DOCK10: variants seen among roughly 807,000 people sequenced by gnomAD.
The protein encoded by DOCK10 is dedicator of cytokinesis 10.
Under a neutral mutation model 280.1 loss-of-function variants are expected in DOCK10, and 145 were observed. The observed-to-expected ratio is 0.52, with a 90% CI of 0.45 to 0.59. The LOEUF is 0.59. Ranked by LOEUF, DOCK10 falls within the 20% of genes least tolerant of loss-of-function variation. The pLI, the probability that DOCK10 is intolerant of heterozygous loss-of-function variation, is 0.00. For missense variants in DOCK10, 2,368 were observed against 2,651.7 expected (o/e 0.89, Z 2.35); for synonymous variants, 915 against 942.2 (o/e 0.97, Z 0.53).
chr2:225,023,727 G>A (rs1689844212), intron 1 of DOCK10, among the ~76,000 whole-genome samples: 1 of 152,166 alleles, frequency 6.6e-6, no homozygotes, highest in African/African-American at 2.4e-5. Flanking sequence ...GCTGTTCTCA[G>A]AAGCATCATT....
intron 50 of DOCK10, among the ~76,000 whole-genome samples, chr2:224,781,125 A>G (rs1368154366): frequency 6.6e-6 from 1 of 152,166 alleles, no homozygotes; most frequent in South Asian, 2.1e-4. Context: ...AAATCTCTGT[A>G]TCTATAAAGC....
At chr2:224,886,752 TTAC>T (rs1699308224) in intron 4 of DOCK10, among the ~76,000 whole-genome samples, 2 of 152,166 alleles carry the variant, frequency 1.3e-5, no homozygotes, top group South Asian at 4.1e-4. Flanking sequence ...AACCATGGAG[TTAC>T]TAATTATATA....
intron 50 of DOCK10, among the ~76,000 whole-genome samples, chr2:224,785,848 G>A (rs1255245437): frequency 6.6e-6 from 1 of 152,172 alleles, no homozygotes; most frequent in East Asian, 1.9e-4. Flanking sequence ...ACTTCAATGG[G>A]GATTGACCTA....
chr2:224,888,087 G>A (rs947859307), intron 4 of DOCK10, among the ~76,000 whole-genome samples: 5 of 152,040 alleles, frequency 3.3e-5, no homozygotes, highest in South Asian at 4.2e-4. Context: ...AGATAAAGTC[G>A]CCAGCTTATA....
chr2:224,770,397 C>A lies in DOCK10; in HGVS notation c.6306-48G>T. 2 of 1,563,544 alleles carry A rather than the reference C, an allele frequency of 1.3e-6. No individual in the cohort carries two copies. On this transcript the variant is annotated intron_variant, in intron 54 of 55. Transcript: ENST00000258390. The surrounding 1 kb of genome is among the most constrained non-coding windows in gnomAD (Gnocchi z 4.5). ...ATTAAAAACCAGCCCTCGGAAGTGG[C>A]ATTGAGCTCAGTGACTGTGAGTTCA...
At chr2:225,011,402 A>C (rs1177846850) in intron 1 of DOCK10, among the ~76,000 whole-genome samples, 1 of 152,226 alleles carries the variant, frequency 6.6e-6, no homozygotes, top group Non-Finnish European at 1.5e-5. Context: ...AGAGGTTGCA[A>C]GATCAAGTTA....
chr2:225,016,836 G>A (rs1575167096), intron 1 of DOCK10, among the ~76,000 whole-genome samples: 1 of 151,446 alleles, frequency 6.6e-6, no homozygotes, highest in African/African-American at 2.4e-5. Flanking sequence ...CCGAGTAGCT[G>A]TGACTATAGG....
chr2:224,944,325 T>C (rs1703272374), intron 1 of DOCK10, among the ~76,000 whole-genome samples: 1 of 152,230 alleles, frequency 6.6e-6, no homozygotes, highest in Admixed American at 6.5e-5. Context: ...CTTCGACTGC[T>C]GAAGGCACTA....
At chr2:224,988,768 T>C (rs1394390163) in intron 1 of DOCK10, among the ~76,000 whole-genome samples, 1 of 152,214 alleles carries the variant, frequency 6.6e-6, no homozygotes, top group Non-Finnish European at 1.5e-5. Context: ...TTGGTAGGAA[T>C]TGAAACCAGT....
At chr2:225,019,821 A>G (rs1280008014) in intron 1 of DOCK10, among the ~76,000 whole-genome samples, 1 of 152,208 alleles carries the variant, frequency 6.6e-6, no homozygotes, top group Non-Finnish European at 1.5e-5. Flanking sequence ...TACTGATTTC[A>G]TGATTCTTAA....
chr2:224,873,430 T>A (rs1004912985), intron 11 of DOCK10, among the ~76,000 whole-genome samples: 3 of 151,480 alleles, frequency 2.0e-5, no homozygotes, highest in Admixed American at 2.0e-4. Flanking sequence ...TACAAAAAAA[T>A]TAGCTAGGCG....
chr2:224,914,467 C>T (rs1701203669), intron 3 of DOCK10, among the ~76,000 whole-genome samples: 1 of 152,114 alleles, frequency 6.6e-6, no homozygotes, highest in Admixed American at 6.5e-5. Context: ...AAAGTTTATA[C>T]CAGAAATACA....
At chr2:225,020,652 G>A (rs1357217211) in intron 1 of DOCK10, among the ~76,000 whole-genome samples, 1 of 152,178 alleles carries the variant, frequency 6.6e-6, no homozygotes, top group East Asian at 1.9e-4. Context: ...ATGAGATGAT[G>A]CAATTTTCTA....
intron 47 of DOCK10, among the ~76,000 whole-genome samples, chr2:224,790,868 A>G (rs1314472981): frequency 2.6e-5 from 4 of 152,210 alleles, no homozygotes; most frequent in Non-Finnish European, 4.4e-5. Flanking sequence ...CTTCAAATAC[A>G]TGCCAATGAC....
chr2:224,921,254 A>AT (rs1469736169), intron 2 of DOCK10, among the ~76,000 whole-genome samples: 1 of 149,904 alleles, frequency 6.7e-6, no homozygotes, highest in Non-Finnish European at 1.5e-5. Context: ...ATGAACCAAG[A>AT]TCATGCCATT....
intron 2 of DOCK10, among the ~76,000 whole-genome samples, chr2:224,928,523 G>T (rs2126008339): frequency 6.6e-6 from 1 of 152,210 alleles, no homozygotes; most frequent in East Asian, 1.9e-4. Context: ...AAAATAGGCA[G>T]CAGGTCACCC....
chr2:225,007,481 A>G (rs1475259296), intron 1 of DOCK10, among the ~76,000 whole-genome samples: 1 of 152,222 alleles, frequency 6.6e-6, no homozygotes, highest in Non-Finnish European at 1.5e-5. Context: ...GTTGTACTTT[A>G]AGGAGGATTA....
intron 11 of DOCK10, among the ~76,000 whole-genome samples, chr2:224,873,549 A>AC (rs1698426318): frequency 7.1e-6 from 1 of 140,972 alleles, no homozygotes; most frequent in Non-Finnish European, 1.5e-5. Flanking sequence ...GTGAGCCGAG[A>AC]CTGCGCAACT....
At chr2:225,006,641 A>C (rs747294296) in intron 1 of DOCK10, among the ~76,000 whole-genome samples, 46 of 152,192 alleles carry the variant, frequency 3.0e-4, no homozygotes, top group Non-Finnish European at 6.3e-4. Context: ...ACACTGTCTA[A>C]CATGAGTTAT....
Sources: allele counts gnomAD v4.1 joint callset (sites outside exome capture counted in the v4.1 genomes callset), GRCh38; gene constraint gnomAD v4.1.1; non-coding constraint Gnocchi (gnomAD v3.1); transcripts MANE v1.5; gene names NCBI Gene and HGNC (gene_info 2026-07-23, HGNC 2026-07-21).